ZNF324B: variants seen among roughly 807,000 people sequenced by gnomAD.
The protein encoded by ZNF324B is zinc finger protein 324B.
A neutral mutation model predicts 10.6 loss-of-function variants in ZNF324B; 7 were observed. That is an observed-to-expected ratio of 0.66 (90% CI 0.38 to 1.24). The LOEUF is 1.24. Among genes scored for constraint, ZNF324B ranks in the 50% most tolerant of loss-of-function variants. The pLI, the probability that ZNF324B is intolerant of heterozygous loss-of-function variation, is 0.02. For missense variants in ZNF324B, 640 were observed against 764.7 expected, an observed-to-expected ratio of 0.84 and a Z score of 1.92; for synonymous variants, 316 against 321.0, an observed-to-expected ratio of 0.98 and a Z score of 0.17.
the ZNF324B span, chr19:58,437,331 C>T: frequency 1.7e-6 from 2 of 1,205,732 alleles, no homozygotes; most frequent in Non-Finnish European, 2.3e-6. Flanking sequence ...TCTCAGTCCA[C>T]CCACTACTCA....
At position 58,455,072 on chromosome 19, in the gene ZNF324B, T is replaced by C. The variant is rs199744658; in HGVS notation, c.239-111T>C. 7,043 of 1,451,368 alleles carry C rather than the reference T, an allele frequency of 4.9e-3. 406 individuals are homozygous for C. In the African/African-American group the frequency reaches 0.081, roughly 17 times the overall value. 89.9% of individuals were successfully genotyped at this position (1,451,368 alleles called of 1,614,324 possible). On this transcript the variant is annotated intron_variant, in intron 3 of 3. Transcript: ENST00000336614. The surrounding 1 kb of genome is among the most constrained non-coding windows in gnomAD (Gnocchi z 7.0). ...CAGAGCCAGCCTCACCTCTTCTTTT[T>C]CCCTAAGCTTTTGTCCCGGCTCCTG...
chr19:58,440,100 G>T, the ZNF324B span: 1 of 473,402 alleles, frequency 2.1e-6, no homozygotes, highest in Non-Finnish European at 3.7e-6. Context: ...CCCTGGTGTG[G>T]CTCCAGAGGC....
chr19:58,421,560 T>C, the ZNF324B span, among the ~76,000 whole-genome samples: 1 of 152,130 alleles, frequency 6.6e-6, no homozygotes, highest in African/African-American at 2.4e-5. Context: ...TTTGTATTTT[T>C]AGTAGAGACA....
the ZNF324B span, chr19:58,443,825 T>C: frequency 7.9e-4 from 120 of 152,396 alleles, no homozygotes; most frequent in African/African-American, 2.8e-3. Context: ...TCCAGCTATA[T>C]ACCTGCATAG....
chr19:58,437,582 T>C, the ZNF324B span: 1 of 671,534 alleles, frequency 1.5e-6, no homozygotes, highest in Non-Finnish European at 1.8e-6. Flanking sequence ...CTTAAGCCTC[T>C]TGTACCAGGG....
At chr19:58,434,483 A>G in the ZNF324B span, 1 of 1,614,188 alleles carries the variant, frequency 6.2e-7, no homozygotes, top group Non-Finnish European at 8.5e-7. Context: ...CATGCAATGC[A>G]CTCATAATAT....
Position 58,455,169 on chromosome 19 carries a change from T to G in ZNF324B, c.239-14T>G, listed in dbSNP as rs1481332346. On this transcript the variant is annotated splice_polypyrimidine_tract_variant and intron_variant, in intron 3 of 3. Transcript: ENST00000336614. This position sits in a 1 kb window ranked among gnomAD's most constrained non-coding sequence, Gnocchi z 7.0. The stretch of plus-strand genomic sequence containing the variant: ...CCAGGATGCCCCAGGCAACCACCGT[T>G]TCTCTGCGTTTAGGTTCCTGGAGTT... 1.9e-6 allele frequency: 3 copies of G among 1,613,868 alleles called. No homozygotes were observed. The highest frequency in any genetic ancestry group is 2.5e-6 in the Non-Finnish European group (3 of 1,180,022).
chr19:58,431,779 C>G, the ZNF324B span, among the ~76,000 whole-genome samples: 6 of 152,160 alleles, frequency 3.9e-5, no homozygotes, highest in Non-Finnish European at 8.8e-5. Flanking sequence ...ATCAGGAGGT[C>G]AGGAGATCGA....
chr19:58,431,582 T>TCCTGTTCA, the ZNF324B span, among the ~76,000 whole-genome samples: 1 of 152,180 alleles, frequency 6.6e-6, no homozygotes, highest in Admixed American at 6.6e-5. Flanking sequence ...TTATGGGGAC[T>TCCTGTTCA]CCTGTTCACA....
rs752909619 is a variant in ZNF324B at position 58,455,817 on chromosome 19, C to T, written c.873C>T (p.Gly291=). 265 of 1,613,972 alleles carry T rather than the reference C, an allele frequency of 1.6e-4. 4 individuals carry two copies. Among genetic ancestry groups the T allele is most frequent in the South Asian group, 1.6e-3 (143 of 91,088 alleles). ...GERPYECTQC[G]KAFSQTSHLT... is the part of the protein sequence containing the mutation. ...GGCCCTACGAGTGCACCCAGTGCGGCAAGGCCTTCAGCCAGACGTCGCACT... is the reference window on the plus strand; with the variant it reads ...GGCCCTACGAGTGCACCCAGTGCGGTAAGGCCTTCAGCCAGACGTCGCACT... Residue 291 remains glycine (G), a synonymous_variant, in exon 4 of 4, where the codon GGC becomes GGT. Coordinates refer to ENST00000336614, the MANE Select transcript of ZNF324B (RefSeq NM_207395.3). This position sits in a 1 kb window ranked among gnomAD's most constrained non-coding sequence, Gnocchi z 7.0.
chr19:58,427,403 T>TTTCTTTCTTTCC, the ZNF324B span, among the ~76,000 whole-genome samples: 1 of 46,544 alleles, frequency 2.1e-5, no homozygotes, highest in Non-Finnish European at 4.0e-5. Context: ...TCTTTCTTTC[T>TTTCTTTCTTTCC]TTCCTTCCTT....
chr19:58,432,707 C>A, the ZNF324B span: 1 of 167,426 alleles, frequency 6.0e-6, no homozygotes. Flanking sequence ...AGCAACTACC[C>A]GCTCTTCTAC....
At chr19:58,437,319 CCT>C in the ZNF324B span, 4 of 1,310,448 alleles carry the variant, frequency 3.1e-6, no homozygotes, top group African/African-American at 3.0e-5. Flanking sequence ...TTCTTATGAT[CCT>C]CTCAGTCCAC....
At chr19:58,435,845 A>T in the ZNF324B span, 1 of 152,528 alleles carries the variant, frequency 6.6e-6, no homozygotes, top group Admixed American at 6.5e-5. Flanking sequence ...GGCTCAAGTG[A>T]TCCTCCTGCC....
chr19:58,434,804 C>T, the ZNF324B span: 2 of 1,614,182 alleles, frequency 1.2e-6, no homozygotes, highest in African/African-American at 2.7e-5. Context: ...TGCCCACTGT[C>T]AACAGCTTGA....
the ZNF324B span, chr19:58,431,217 A>G: frequency 2.0e-5 from 3 of 152,224 alleles, no homozygotes; most frequent in Non-Finnish European, 2.9e-5. Context: ...TACACTGCCT[A>G]ACGTTCAGCC....
chr19:58,446,333 C>G, the ZNF324B span, among the ~76,000 whole-genome samples: 2 of 152,106 alleles, frequency 1.3e-5, no homozygotes, highest in Non-Finnish European at 2.9e-5. Context: ...CTTTGCAACC[C>G]GCTGAGGGAC....
chr19:58,433,300 A>C, the ZNF324B span: 1 of 1,583,968 alleles, frequency 6.3e-7, no homozygotes, highest in South Asian at 1.1e-5. Flanking sequence ...TTTCTCACAA[A>C]GACCACTTCC....
chr19:58,427,060 C>T, the ZNF324B span, among the ~76,000 whole-genome samples: 1 of 152,188 alleles, frequency 6.6e-6, no homozygotes, highest in Non-Finnish European at 1.5e-5. Context: ...GATCAGAAGG[C>T]AGGTTCAGTA....
Sources: gnomAD v4.1 joint callset for allele counts (sites outside exome capture counted in the v4.1 genomes callset) on GRCh38, gnomAD v4.1.1 for gene constraint, Gnocchi (gnomAD v3.1) non-coding constraint, MANE v1.5 for transcripts, NCBI Gene and HGNC (gene_info 2026-07-23, HGNC 2026-07-21) for gene names.